Variants in NCAPG2 observed in about 807,000 individuals in gnomAD.
NCAPG2 encodes condensin-2 complex subunit G2.
A neutral mutation model predicts 141.1 loss-of-function variants in NCAPG2; 53 were observed. The ratio of observed to expected loss-of-function variants is 0.38; its 90% confidence interval spans 0.30 to 0.47. The LOEUF (loss-of-function observed/expected upper bound fraction) is 0.47, where lower values mean the gene tolerates loss of function less well. NCAPG2 is among the 20% of genes least tolerant of loss of function. NCAPG2 has a pLI of 0.99. For missense variants in NCAPG2, 1,087 were observed against 1,389.0 expected (o/e 0.78, Z 3.46); for synonymous variants, 499 against 490.7 (o/e 1.02, Z -0.22).
chr7:158,641,363 T>C lies in NCAPG2; in HGVS notation c.3380+2926A>G, dbSNP rs983101158. On this transcript the variant is annotated intron_variant, in intron 27 of 27. Transcript: ENST00000356309. ...GATTGTCAGAGAAGATCAAAAAACA[T>C]GACCCATTTATATACTGTCTATAAA... 1.2e-5 allele frequency: 5 copies of C among 415,858 alleles called. No homozygotes were observed. In the Admixed American group the frequency reaches 1.3e-4, roughly 11 times the overall value. The allele number at this position is 415,858 out of a possible 1,614,324, so 25.8% of individuals were successfully genotyped here. A position where few individuals can be genotyped will look rare whatever the true frequency, so the allele number is the denominator to read the frequency against.
rs201241436 is a variant in NCAPG2, at chr7:158,654,590, T to C, written c.2746+5A>G. 1.2e-6 allele frequency: 2 copies of C among 1,613,618 alleles called. No homozygotes were observed. The highest frequency in any genetic ancestry group is 8.5e-7 in the Non-Finnish European group (1 of 1,179,726). On this transcript the variant is annotated splice_donor_5th_base_variant and intron_variant, in intron 22 of 27. Transcript: ENST00000356309. ...TTTATTGCTCTAAAACAGCCCTGAC[T>C]GTACCTGTTTGCATGATTCCAAGAC...
chr7:158,639,938 G>T, intron 27 of NCAPG2: 1 of 681,320 alleles, frequency 1.5e-6, no homozygotes, highest in Non-Finnish European at 1.8e-6. Context: ...TGTAAAAGGT[G>T]TTAACATGTA....
intron 2 of NCAPG2, among the ~76,000 whole-genome samples, chr7:158,693,827 CCA>C (rs1424547979): frequency 6.6e-6 from 1 of 152,204 alleles, no homozygotes; most frequent in Non-Finnish European, 1.5e-5. Context: ...AATACTGTGG[CCA>C]CAGATTCCAG....
chr7:158,671,994 T>C (rs933339069), intron 12 of NCAPG2, among the ~76,000 whole-genome samples: 1 of 152,074 alleles, frequency 6.6e-6, no homozygotes, highest in African/African-American at 2.4e-5. Context: ...ACAGAATAAC[T>C]ACTGGTCACA....
At chr7:158,686,301 T>C in intron 7 of NCAPG2, 60 bp from the exon 8 acceptor site, 1 of 1,017,542 alleles carries the variant, frequency 9.8e-7, no homozygotes, top group Non-Finnish European at 1.4e-6. Context: ...TTTCAACATG[T>C]ATCATTTCAG....
At chr7:158,657,128 T>C (rs1394196695) in intron 17 of NCAPG2, among the ~76,000 whole-genome samples, 2 of 152,254 alleles carry the variant, frequency 1.3e-5, no homozygotes, top group South Asian at 4.1e-4. Context: ...AAAAATATTA[T>C]GAGACACAAA....
chr7:158,697,404 C>A (rs1264237998), intron 2 of NCAPG2, among the ~76,000 whole-genome samples: 1 of 152,202 alleles, frequency 6.6e-6, no homozygotes, highest in Non-Finnish European at 1.5e-5. Flanking sequence ...GAGTTTGAGA[C>A]CAGCCTGGCC....
chr7:158,670,593 G>A (rs779806402), intron 13 of NCAPG2, among the ~76,000 whole-genome samples: 9 of 152,030 alleles, frequency 5.9e-5, no homozygotes, highest in Non-Finnish European at 7.4e-5. Flanking sequence ...CTAAATTCTC[G>A]TTCTCTTCAA....
chr7:158,643,934 T>G (rs1158538013), intron 27 of NCAPG2, among the ~76,000 whole-genome samples: 1 of 152,230 alleles, frequency 6.6e-6, no homozygotes, highest in African/African-American at 2.4e-5. Flanking sequence ...CATCCCCATG[T>G]GGGTATTTGT....
intron 2 of NCAPG2, among the ~76,000 whole-genome samples, chr7:158,694,077 G>A (rs541199380): frequency 1.3e-5 from 2 of 152,272 alleles, no homozygotes; most frequent in Admixed American, 1.3e-4. Context: ...CCAAAACAGT[G>A]ACAGTGATTA....
intron 5 of NCAPG2, 69 bp downstream of exon 5, chr7:158,690,499 C>A: frequency 6.8e-7 from 1 of 1,462,562 alleles, no homozygotes; most frequent in Admixed American, 1.8e-5. Context: ...GAGCTATGAT[C>A]ATGCCACTGC....
intron 13 of NCAPG2, chr7:158,667,070 C>G: frequency 1.1e-6 from 1 of 942,922 alleles, no homozygotes; most frequent in South Asian, 4.9e-5. Flanking sequence ...CAGACTGCCT[C>G]TTATACTCAT....
intron 27 of NCAPG2, among the ~76,000 whole-genome samples, chr7:158,635,382 T>C (rs1405112329): frequency 1.3e-5 from 2 of 152,218 alleles, no homozygotes; most frequent in Non-Finnish European, 2.9e-5. Flanking sequence ...GGTTTAATGT[T>C]GGCACCTACA....
At chr7:158,678,182 A>G (rs1343830065) in intron 11 of NCAPG2, among the ~76,000 whole-genome samples, 3 of 152,138 alleles carry the variant, frequency 2.0e-5, no homozygotes, top group African/African-American at 4.8e-5. Flanking sequence ...ATGAGAGAAC[A>G]GTTAAGGTAC....
At chr7:158,655,602 C>G in intron 19 of NCAPG2, 147 bp from the exon 20 acceptor site, 1 of 710,330 alleles carries the variant, frequency 1.4e-6, no homozygotes, top group Non-Finnish European at 2.4e-6. Flanking sequence ...TGACTCTGCA[C>G]CCGGACATGA....
chr7:158,664,785 C>A, intron 13 of NCAPG2, 35 bp from the exon 14 acceptor site: 1 of 1,561,092 alleles, frequency 6.4e-7, no homozygotes, highest in South Asian at 1.1e-5. Context: ...AGGAAATAAT[C>A]AATTGTGCCT....
chr7:158,632,763 C>A (rs955633202), intron 27 of NCAPG2, among the ~76,000 whole-genome samples: 1 of 152,120 alleles, frequency 6.6e-6, no homozygotes, highest in African/African-American at 2.4e-5. Flanking sequence ...TGGATCAAGA[C>A]CTTGCTTCTT....
intron 27 of NCAPG2, among the ~76,000 whole-genome samples, chr7:158,631,968 T>A (rs1157259500): frequency 6.6e-6 from 1 of 152,122 alleles, no homozygotes; most frequent in African/African-American, 2.4e-5. Context: ...TGCCAGGCAA[T>A]GAAACGTGCT....
At chr7:158,637,157 C>T (rs954919023) in intron 27 of NCAPG2, among the ~76,000 whole-genome samples, 2 of 152,118 alleles carry the variant, frequency 1.3e-5, no homozygotes, top group African/African-American at 2.4e-5. Context: ...CCGTGTTAGC[C>T]AGGATGGTCT....
Sources: gnomAD v4.1 joint callset for allele counts (sites outside exome capture counted in the v4.1 genomes callset) on GRCh38, gnomAD v4.1.1 for gene constraint, MANE v1.5 for transcripts, NCBI Gene and HGNC (gene_info 2026-07-23, HGNC 2026-07-21) for gene names.